AUTS2: variants seen among roughly 807,000 people sequenced by gnomAD.
The protein encoded by AUTS2 is activator of transcription and developmental regulator AUTS2.
AUTS2 carries 17 observed loss-of-function variants against 112.4 expected under a neutral mutation model. That is an observed-to-expected ratio of 0.15 (90% CI 0.10 to 0.23). The LOEUF (loss-of-function observed/expected upper bound fraction) is 0.23, where lower values mean the gene tolerates loss of function less well. Ranked by LOEUF, AUTS2 falls within the 10% of genes least tolerant of loss-of-function variation. AUTS2 has a pLI of 1.00. For missense variants in AUTS2, 1,510 were observed against 1,701.6 expected, an observed-to-expected ratio of 0.89 and a Z score of 1.98; for synonymous variants, 751 against 702.7, an observed-to-expected ratio of 1.07 and a Z score of -1.09.
chr7:70,239,044 C>T (rs1020337450), intron 4 of AUTS2, among the ~76,000 whole-genome samples: 1 of 152,186 alleles, frequency 6.6e-6, no homozygotes, highest in Non-Finnish European at 1.5e-5. Flanking sequence ...CAGATAGTTT[C>T]GTTGAGCAGA....
intron 1 of AUTS2, among the ~76,000 whole-genome samples, chr7:69,687,307 A>G (rs952036183): frequency 6.6e-6 from 1 of 152,250 alleles, no homozygotes; most frequent in African/African-American, 2.4e-5. Flanking sequence ...GTGAGGTTAC[A>G]GTGATAATAA....
At chr7:70,178,252 A>G (rs1285335494) in intron 4 of AUTS2, among the ~76,000 whole-genome samples, 1 of 152,120 alleles carries the variant, frequency 6.6e-6, no homozygotes, top group Non-Finnish European at 1.5e-5. Context: ...TGTCCTGAGA[A>G]TATTTTAAGA....
chr7:69,674,409 A>G (rs2129159892), intron 1 of AUTS2, among the ~76,000 whole-genome samples: 1 of 152,160 alleles, frequency 6.6e-6, no homozygotes, highest in South Asian at 2.1e-4. Context: ...GAGCTGTGGG[A>G]CCTTAACTTC....
intron 4 of AUTS2, among the ~76,000 whole-genome samples, chr7:70,320,470 T>A (rs1438210741): frequency 6.6e-6 from 1 of 152,212 alleles, no homozygotes; most frequent in Non-Finnish European, 1.5e-5. Context: ...TCATGGCATT[T>A]ATGGAGATCA....
rs1012077245 is a variant in AUTS2, at chr7:70,790,926, C to T, written c.3710C>T (p.Thr1237Met). 10 of 1,561,622 alleles carry T rather than the reference C, an allele frequency of 6.4e-6. No individual in the cohort carries two copies. Among genetic ancestry groups the T allele is most frequent in the African/African-American group, 4.1e-5 (3 of 73,518 alleles). The change falls in exon 19 of 19, where the codon ACG becomes ATG. Residue 1237 changes from threonine (T) to methionine (M), a missense_variant. By Grantham distance (81) the Thr-to-Met change is moderately conservative (BLOSUM62 -1). Transcript: ENST00000342771. This position sits in a 1 kb window ranked among gnomAD's most constrained non-coding sequence, Gnocchi z 7.6. ...GGCCGCCCGGTCTCTCCCAGAAGGA[C>T]GACTCCTCTGTCCGCAGAGATAAGG... ...LGGRPVSPRRTTPLSAEIRER... is the reference protein window; with the variant it reads ...LGGRPVSPRRMTPLSAEIRER...
chr7:70,393,263 A>G (rs1476613433), intron 4 of AUTS2, among the ~76,000 whole-genome samples: 1 of 152,176 alleles, frequency 6.6e-6, no homozygotes, highest in Non-Finnish European at 1.5e-5. Context: ...CTTTCTTAGC[A>G]AGTAAGCACC....
intron 5 of AUTS2, among the ~76,000 whole-genome samples, chr7:70,598,838 T>C (rs1803329218): frequency 6.6e-6 from 1 of 152,210 alleles, no homozygotes; most frequent in Non-Finnish European, 1.5e-5. Flanking sequence ...GAAGTCAGCC[T>C]GAACAGATAG....
intron 6 of AUTS2, among the ~76,000 whole-genome samples, chr7:70,734,302 T>C (rs911336912): frequency 6.6e-6 from 1 of 151,956 alleles, no homozygotes; most frequent in Non-Finnish European, 1.5e-5. Context: ...TAGCTGGGCA[T>C]GGTGGCCGGT....
intron 1 of AUTS2, among the ~76,000 whole-genome samples, chr7:69,754,090 G>C (rs1787850690): frequency 6.6e-6 from 1 of 152,186 alleles, no homozygotes; most frequent in Non-Finnish European, 1.5e-5. Context: ...TTTGTGCAGA[G>C]TGCTCCTTTC....
chr7:70,175,156 C>G, intron 4 of AUTS2, among the ~76,000 whole-genome samples: 1 of 152,100 alleles, frequency 6.6e-6, no homozygotes, highest in Non-Finnish European at 1.5e-5. Context: ...TTATTCCAAA[C>G]TTAATGGATG....
At chr7:70,690,003 A>G (rs568498862) in intron 5 of AUTS2, among the ~76,000 whole-genome samples, 1 of 152,322 alleles carries the variant, frequency 6.6e-6, no homozygotes, top group South Asian at 2.1e-4. Context: ...GAAGTGTGTC[A>G]TCTGTAATCA....
intron 1 of AUTS2, among the ~76,000 whole-genome samples, chr7:69,862,243 C>G (rs1793018943): frequency 6.6e-6 from 1 of 152,080 alleles, no homozygotes; most frequent in Non-Finnish European, 1.5e-5. Flanking sequence ...AATCATGACT[C>G]ATGCAGATAT....
At position 69,916,705 on chromosome 7, in the gene AUTS2, C is replaced by CA. The variant is rs574407278; in HGVS notation, c.522+17208dup. On this transcript the variant is annotated intron_variant, in intron 2 of 18. Coordinates refer to ENST00000342771, the MANE Select transcript of AUTS2 (RefSeq NM_015570.4). The stretch of plus-strand genomic sequence containing the variant: ...CAAACTCCTCTTCCCCTCTTCCCCC[C>CA]ATTCTTACATCCTATAGATTTTTAT... 1.0e-3 allele frequency among the ~76,000 whole-genome samples: 156 copies of CA among 152,294 alleles called. 1 individual carries two copies. The highest frequency in any genetic ancestry group is 3.3e-3 in the African/African-American group (137 of 41,558).
intron 2 of AUTS2, among the ~76,000 whole-genome samples, chr7:70,067,045 T>A (rs1802530459): frequency 6.6e-6 from 1 of 152,208 alleles, no homozygotes; most frequent in South Asian, 2.1e-4. Context: ...TTGATAAACA[T>A]CTTTCTCATT....
intron 2 of AUTS2, among the ~76,000 whole-genome samples, chr7:69,905,412 A>G (rs917911454): frequency 3.9e-5 from 6 of 152,280 alleles, no homozygotes; most frequent in African/African-American, 1.4e-4. Context: ...GAGAGGTCCC[A>G]TAACAAGCCA....
In AUTS2 at chr7:70,777,091, T is replaced by G; in HGVS notation, c.1933-12T>G. The G allele has an allele frequency of 6.2e-7, 1 of 1,613,976 alleles. No individual in the cohort carries two copies. Among genetic ancestry groups the G allele is most frequent in the Non-Finnish European group, 8.5e-7 (1 of 1,179,870 alleles). On this transcript the variant is annotated splice_polypyrimidine_tract_variant and intron_variant, in intron 13 of 18. Transcript: ENST00000342771. ...GTCTTCCTCCTAACCACGTTGCTCT[T>G]TCTTGTTCCAGAAACCAGGGAAGTG...
chr7:70,176,562 T>C (rs1808999331), intron 4 of AUTS2, among the ~76,000 whole-genome samples: 1 of 152,256 alleles, frequency 6.6e-6, no homozygotes, highest in Non-Finnish European at 1.5e-5. Context: ...TAACCTTCCT[T>C]GCTTACATAT....
At chr7:69,960,014 T>C (rs1797366818) in intron 2 of AUTS2, among the ~76,000 whole-genome samples, 1 of 152,084 alleles carries the variant, frequency 6.6e-6, no homozygotes, top group African/African-American at 2.4e-5. Flanking sequence ...AAGGAATTGT[T>C]TAGTAGGTGA....
Position 70,785,957 on chromosome 7 carries a change from C to G in AUTS2, c.2227C>G (p.Pro743Ala). ...CTTCTTCCCCATCTTGTTTGCAGAGCCTTTTAATCGGCCGTCTACATTCAC... is the reference window on the plus strand; with the variant it reads ...CTTCTTCCCCATCTTGTTTGCAGAGGCTTTTAATCGGCCGTCTACATTCAC... The part of the protein sequence containing the change: ...NFLNPAAHLE[P>A]FNRPSTFTGL... The change falls in exon 17 of 19, where the codon CCT (proline) becomes GCT (alanine). Residue 743 changes from proline (P) to alanine (A), a missense_variant and splice_region_variant. Physicochemically the swap from Pro to Ala is conservative, Grantham distance 27. This residue lies in a region of AUTS2 where 788 missense variants were observed against 797.6 expected (regional missense o/e 0.99). Transcript: ENST00000342771. The G allele has an allele frequency of 6.2e-7, 1 of 1,613,862 alleles. No homozygotes were observed. The highest frequency in any genetic ancestry group is 8.5e-7 in the Non-Finnish European group (1 of 1,179,946).
Sources: gnomAD v4.1 joint callset for allele counts (sites outside exome capture counted in the v4.1 genomes callset) on GRCh38, gnomAD v4.1.1 for gene constraint, gnomAD v4.1.1 regional missense constraint, Gnocchi (gnomAD v3.1) non-coding constraint, MANE v1.5 for transcripts, NCBI Gene and HGNC (gene_info 2026-07-23, HGNC 2026-07-21) for gene names.